Variants in RABGAP1L observed in about 807,000 individuals in gnomAD.
RABGAP1L encodes RAB GTPase activating protein 1 like, also known as rab GTPase-activating protein 1-like.
Under a neutral mutation model 137.7 loss-of-function variants are expected in RABGAP1L, and 63 were observed. The ratio of observed to expected loss-of-function variants is 0.46; its 90% CI spans 0.37 to 0.56. The LOEUF is 0.56. RABGAP1L is among the 20% of genes least tolerant of loss of function. The pLI is 0.00. For synonymous variants in RABGAP1L, 431 were observed against 433.7 expected (o/e 0.99, Z 0.08); for missense variants, 1,095 against 1,244.0 (o/e 0.88, Z 1.80).
intron 19 of RABGAP1L, among the ~76,000 whole-genome samples, chr1:174,931,719 A>G (rs990529153): frequency 1.3e-5 from 2 of 152,212 alleles, no homozygotes; most frequent in African/African-American, 4.8e-5. Context: ...TCTTCTGTGC[A>G]CTAAAGAAAG....
At chr1:174,259,661 T>C (rs1360562669) in intron 7 of RABGAP1L, among the ~76,000 whole-genome samples, 3 of 152,200 alleles carry the variant, frequency 2.0e-5, no homozygotes. Flanking sequence ...ATGAAAACTT[T>C]TAATATTCTT....
Position 174,877,584 on chromosome 1 carries a change from C to A in RABGAP1L, c.2340+65624C>A, listed in dbSNP as rs1398618749. 1.9e-6 allele frequency: 3 copies of A among 1,613,566 alleles called. No individual in the cohort carries two copies. In the South Asian group the frequency reaches 3.3e-5, roughly 18 times the overall value. On this transcript the variant is annotated intron_variant, in intron 19 of 25. Coordinates refer to ENST00000681986, the MANE Select transcript of RABGAP1L (RefSeq NM_001366446.1). ...AAGACTTCCTCACTAGTCTGGTGGC[C>A]ATCAGCAAGCCCAGGTCTATGGTAG...
At chr1:174,228,236 C>T (rs1179090475) in intron 3 of RABGAP1L, among the ~76,000 whole-genome samples, 1 of 151,958 alleles carries the variant, frequency 6.6e-6, no homozygotes, top group Non-Finnish European at 1.5e-5. Context: ...TATTTGGAAT[C>T]TGTAGAGTCA....
intron 13 of RABGAP1L, among the ~76,000 whole-genome samples, chr1:174,585,711 C>A (rs1262288839): frequency 6.6e-6 from 1 of 152,180 alleles, no homozygotes; most frequent in South Asian, 2.1e-4. Context: ...CTTCCAAAGA[C>A]CAAGCCCTTG....
chr1:174,993,131 G>A lies in RABGAP1L; in HGVS notation c.*3130G>A, dbSNP rs1175680084. On this transcript the variant is annotated 3_prime_UTR_variant, in exon 26 of 26. Coordinates refer to ENST00000681986, the MANE Select transcript of RABGAP1L (RefSeq NM_001366446.1). ...GCTGGATTTTGCAGTGCATATGTTT[G>A]CTAGCTTCCCACATCCTGAACCATG... The A allele has an allele frequency of 6.6e-6, 1 of 152,140 alleles. No homozygotes were observed. The highest frequency in any genetic ancestry group is 1.5e-5 in the Non-Finnish European group (1 of 68,010). The allele number at this position is 152,140 out of a possible 1,614,324, so 9.4% of individuals were successfully genotyped here. A position where few individuals can be genotyped will look rare whatever the true frequency, so the allele number is the denominator to read the frequency against.
intron 13 of RABGAP1L, among the ~76,000 whole-genome samples, chr1:174,411,380 G>A (rs2149130997): frequency 6.6e-6 from 1 of 152,130 alleles, no homozygotes; most frequent in African/African-American, 2.4e-5. Context: ...GTCATGAATG[G>A]TTCCTGTTAT....
At chr1:174,202,470 T>C (rs1668193102) in intron 1 of RABGAP1L, among the ~76,000 whole-genome samples, 1 of 152,256 alleles carries the variant, frequency 6.6e-6, no homozygotes, top group Non-Finnish European at 1.5e-5. Context: ...TGTCTGTTCA[T>C]ATCCTTCGCC....
At chr1:174,733,437 C>G (rs1374733754) in intron 17 of RABGAP1L, among the ~76,000 whole-genome samples, 2 of 152,174 alleles carry the variant, frequency 1.3e-5, no homozygotes, top group African/African-American at 4.8e-5. Context: ...TGCTTTCCTC[C>G]CAATACTTTA....
At chr1:174,905,558 TAC>T (rs1272333557) in intron 19 of RABGAP1L, among the ~76,000 whole-genome samples, 2 of 151,880 alleles carry the variant, frequency 1.3e-5, no homozygotes, top group African/African-American at 4.8e-5. Flanking sequence ...TGTCTGAAAA[TAC>T]ACAGAGAAGT....
chr1:174,871,762 A>T (rs1883139), intron 19 of RABGAP1L, among the ~76,000 whole-genome samples: 53,304 of 152,126 alleles, frequency 0.35, 11,723 homozygotes, highest in African/African-American at 0.63. Flanking sequence ...ATGCTTTAGA[A>T]ATTAATGTAT....
At chr1:174,490,215 A>G (rs1660089583) in intron 13 of RABGAP1L, among the ~76,000 whole-genome samples, 1 of 152,090 alleles carries the variant, frequency 6.6e-6, no homozygotes, top group African/African-American at 2.4e-5. Flanking sequence ...GCTTATTTGT[A>G]ACGGTCTTTC....
intron 21 of RABGAP1L, among the ~76,000 whole-genome samples, chr1:174,970,898 AAAT>A (rs1331299514): frequency 1.3e-5 from 2 of 152,150 alleles, no homozygotes; most frequent in African/African-American, 4.8e-5. Flanking sequence ...GTTAATGGGA[AAAT>A]AATGATAAAG....
chr1:174,508,252 A>AT (rs1161061184), intron 13 of RABGAP1L, among the ~76,000 whole-genome samples: 2 of 152,024 alleles, frequency 1.3e-5, no homozygotes, highest in East Asian at 3.9e-4. Context: ...ACTCATTGTT[A>AT]TTTTTTCTAT....
At chr1:174,582,386 A>G (rs1446956014) in intron 13 of RABGAP1L, among the ~76,000 whole-genome samples, 5 of 152,130 alleles carry the variant, frequency 3.3e-5, no homozygotes, top group African/African-American at 9.7e-5. Context: ...AAAAGCTGCA[A>G]AGAGATGAGA....
chr1:174,438,249 C>T (rs968972097), intron 13 of RABGAP1L, among the ~76,000 whole-genome samples: 6 of 152,020 alleles, frequency 3.9e-5, no homozygotes, highest in African/African-American at 1.4e-4. Context: ...TTTGTTTTTT[C>T]TCTTTCCCAA....
At chr1:174,318,773 A>T (rs1679666367) in intron 11 of RABGAP1L, among the ~76,000 whole-genome samples, 1 of 150,544 alleles carries the variant, frequency 6.6e-6, no homozygotes, top group Non-Finnish European at 1.5e-5. Flanking sequence ...TTGCATTGTG[A>T]TTACCATGAG....
chr1:174,369,744 T>C (rs1489910925), intron 11 of RABGAP1L, among the ~76,000 whole-genome samples: 1 of 152,214 alleles, frequency 6.6e-6, no homozygotes, highest in African/African-American at 2.4e-5. Context: ...TACAGTTGCT[T>C]ATGTGAGGTA....
Position 174,206,017 on chromosome 1 carries a change from T to A in RABGAP1L, c.-33-13108T>A, listed in dbSNP as rs181326451. Among the ~76,000 whole-genome samples, 6 of 152,324 alleles carry A rather than the reference T, an allele frequency of 3.9e-5. No individual in the cohort carries two copies. In the East Asian group the frequency reaches 1.2e-3, roughly 29 times the overall value. ...TAAGACCCTTTTTCTTGTCTCCGTC[T>A]AGGGTTTACTTTTCTCTCTCACTGC... On this transcript the variant is annotated intron_variant, in intron 1 of 25. Transcript: ENST00000681986.
chr1:174,633,714 C>G (rs986105235), intron 13 of RABGAP1L, among the ~76,000 whole-genome samples: 6 of 135,366 alleles, frequency 4.4e-5, no homozygotes, highest in Non-Finnish European at 6.3e-5. Flanking sequence ...GAACAGAGCC[C>G]TCAGAAATAA....
Sources: gnomAD v4.1 joint callset for allele counts (sites outside exome capture counted in the v4.1 genomes callset) on GRCh38, gnomAD v4.1.1 for gene constraint, MANE v1.5 for transcripts, NCBI Gene and HGNC (gene_info 2026-07-23, HGNC 2026-07-21) for gene names.